The following NRG3 variants were observed in gnomAD, a reference collection of about 807,000 sequenced individuals.
NRG3 encodes the protein neuregulin 3.
In NRG3, 31 loss-of-function variants were observed where a neutral mutation model predicts 66.9. The observed-to-expected ratio is 0.46, with a 90% CI of 0.35 to 0.63. The LOEUF (loss-of-function observed/expected upper bound fraction) is 0.63, where lower values mean the gene tolerates loss of function less well. Ranked by LOEUF, NRG3 falls within the 20% of genes least tolerant of loss-of-function variation. NRG3 has a pLI of 0.00. For missense variants in NRG3, 910 were observed against 878.9 expected (o/e 1.04, Z -0.45); for synonymous variants, 393 against 359.4 (o/e 1.09, Z -1.06).
At chr10:82,822,889 G>T (rs2062014275) in intron 3 of NRG3, among the ~76,000 whole-genome samples, 1 of 151,980 alleles carries the variant, frequency 6.6e-6, no homozygotes, top group African/African-American at 2.4e-5. Context: ...CAAAATAGTG[G>T]TGTGAGGTTG....
At chr10:82,319,714 G>A (rs1390094120) in intron 1 of NRG3, among the ~76,000 whole-genome samples, 1 of 152,174 alleles carries the variant, frequency 6.6e-6, no homozygotes, top group Admixed American at 6.5e-5. Flanking sequence ...TCCTTAGCCT[G>A]CAGCCCACCT....
In NRG3 at chr10:82,202,004, A is replaced by T. The variant is rs181280110; in HGVS notation, c.824-156735A>T. ...CATCAAAATAGTAGTAATCAAAGGAAAGGAAGAGGAAGAAACAGGTATTTC... is the reference window on the plus strand; with the variant it reads ...CATCAAAATAGTAGTAATCAAAGGATAGGAAGAGGAAGAAACAGGTATTTC... On this transcript the variant is annotated intron_variant, in intron 1 of 8. Transcript: ENST00000372141. 1.9e-3 allele frequency among the ~76,000 whole-genome samples: 291 copies of T among 152,314 alleles called. 1 individual carries two copies. Among genetic ancestry groups the T allele is most frequent in the African/African-American group, 6.7e-3 (278 of 41,574 alleles).
intron 1 of NRG3, chr10:82,232,698 G>A (rs2076543782): frequency 1.4e-6 from 1 of 715,728 alleles, no homozygotes; most frequent in Non-Finnish European, 2.6e-6. Context: ...TACAAGAGGA[G>A]ACACAGGAGA....
chr10:82,098,591 G>C (rs2066524270), intron 1 of NRG3, among the ~76,000 whole-genome samples: 1 of 152,114 alleles, frequency 6.6e-6, no homozygotes, highest in African/African-American at 2.4e-5. Context: ...TTCAAATAGA[G>C]CCCCTGCTCA....
chr10:82,882,873 A>T (rs1259351981), intron 4 of NRG3, among the ~76,000 whole-genome samples: 3 of 152,166 alleles, frequency 2.0e-5, no homozygotes, highest in Non-Finnish European at 4.4e-5. Context: ...CCCCAGGAAA[A>T]GCTCAGGTTT....
intron 3 of NRG3, among the ~76,000 whole-genome samples, chr10:82,823,667 T>C (rs1034287333): frequency 6.6e-6 from 1 of 151,720 alleles, no homozygotes; most frequent in African/African-American, 2.4e-5. Context: ...GGAGGAGAGC[T>C]GACACAGGTG....
At chr10:82,105,925 T>A (rs1388648146) in intron 1 of NRG3, among the ~76,000 whole-genome samples, 1 of 152,232 alleles carries the variant, frequency 6.6e-6, no homozygotes, top group Non-Finnish European at 1.5e-5. Flanking sequence ...TCATATTTAA[T>A]GGCTTTTCAG....
chr10:82,262,665 GTTTT>G (rs1222126636), intron 1 of NRG3, among the ~76,000 whole-genome samples: 1 of 152,176 alleles, frequency 6.6e-6, no homozygotes, highest in African/African-American at 2.4e-5. Context: ...GATGCTGTTT[GTTTT>G]TAATAAATAT....
At chr10:82,927,104 G>A (rs1564636729) in intron 4 of NRG3, among the ~76,000 whole-genome samples, 1 of 152,010 alleles carries the variant, frequency 6.6e-6, no homozygotes, top group Non-Finnish European at 1.5e-5. Flanking sequence ...CCCCCAACAC[G>A]GACTGCAAGG....
At chr10:82,536,699 CTT>C (rs1439653325) in intron 2 of NRG3, among the ~76,000 whole-genome samples, 1 of 152,028 alleles carries the variant, frequency 6.6e-6, no homozygotes, top group Non-Finnish European at 1.5e-5. Context: ...GTAGTAAAGA[CTT>C]TGTAATCTGG....
At chr10:81,909,179 C>A (rs1048887475) in intron 1 of NRG3, among the ~76,000 whole-genome samples, 1 of 152,190 alleles carries the variant, frequency 6.6e-6, no homozygotes, top group African/African-American at 2.4e-5. Context: ...CAATCTCCAC[C>A]TCCTTCTTCA....
intron 2 of NRG3, among the ~76,000 whole-genome samples, chr10:82,376,936 G>A (rs1430312418): frequency 6.6e-6 from 1 of 152,124 alleles, no homozygotes; most frequent in Non-Finnish European, 1.5e-5. Context: ...CTTTGGAATT[G>A]AATACTAAGA....
At chr10:82,042,382 G>T (rs2063085875) in intron 1 of NRG3, among the ~76,000 whole-genome samples, 4 of 151,908 alleles carry the variant, frequency 2.6e-5, no homozygotes, top group Admixed American at 2.6e-4. Flanking sequence ...TTTCAACTAT[G>T]TTTTCATAGG....
chr10:82,132,485 T>A (rs1460315848), intron 1 of NRG3, among the ~76,000 whole-genome samples: 1 of 100,386 alleles, frequency 1.0e-5, no homozygotes, highest in African/African-American at 5.4e-5. Context: ...ATATGATATA[T>A]ATATATGATA....
At chr10:82,597,165 T>G (rs771058608) in intron 2 of NRG3, among the ~76,000 whole-genome samples, 11 of 152,128 alleles carry the variant, frequency 7.2e-5, no homozygotes, top group Non-Finnish European at 1.6e-4. Context: ...AAGAACCAGC[T>G]GGAAATGTAT....
At chr10:82,513,355 A>G (rs1323257110) in intron 2 of NRG3, among the ~76,000 whole-genome samples, 1 of 152,148 alleles carries the variant, frequency 6.6e-6, no homozygotes, top group Admixed American at 6.5e-5. Flanking sequence ...CCAATCTATC[A>G]TTGATGGGCA....
At chr10:82,238,919 T>TATATATATATATTATATATATAC (rs372472574) in intron 1 of NRG3, among the ~76,000 whole-genome samples, 1 of 142,142 alleles carries the variant, frequency 7.0e-6, no homozygotes, top group East Asian at 2.0e-4. Context: ...ACCGTATATA[T>TATATATATATATTATATATATAC]ATATATATAA....
rs147073804 is a variant in NRG3, at chr10:82,781,516, C to T, written c.1027+42866C>T. ...AGGGAGGCCTCATGCCAGGCTTAAACCATATCACCAGAATCCATCACTAGT... is the reference window on the plus strand; with the variant it reads ...AGGGAGGCCTCATGCCAGGCTTAAATCATATCACCAGAATCCATCACTAGT... On this transcript the variant is annotated intron_variant, in intron 3 of 8. Transcript: ENST00000372141. Among the ~76,000 whole-genome samples, 385 of 152,236 alleles carry T rather than the reference C, an allele frequency of 2.5e-3. 2 individuals carry two copies. In the Middle Eastern group the frequency reaches 0.058, roughly 23 times the overall value.
chr10:82,300,930 A>C (rs1172923669), intron 1 of NRG3, among the ~76,000 whole-genome samples: 1 of 152,066 alleles, frequency 6.6e-6, no homozygotes, highest in Non-Finnish European at 1.5e-5. Context: ...CAGGAGCTCA[A>C]ATTCAGCCTG....
Sources: gnomAD v4.1 joint callset for allele counts (sites outside exome capture counted in the v4.1 genomes callset) on GRCh38, gnomAD v4.1.1 for gene constraint, MANE v1.5 for transcripts, NCBI Gene and HGNC (gene_info 2026-07-23, HGNC 2026-07-21) for gene names.